Variants in GALNT13 observed in about 807,000 individuals in gnomAD.
The protein encoded by GALNT13 is polypeptide N-acetylgalactosaminyltransferase 13.
A neutral mutation model predicts 64.2 loss-of-function variants in GALNT13; 28 were observed. The observed-to-expected ratio is 0.44, with a 90% confidence interval of 0.32 to 0.60. GALNT13 has a LOEUF of 0.60. GALNT13 is among the 20% of genes least tolerant of loss of function. The pLI is 0.05. For synonymous variants in GALNT13, 214 were observed against 224.6 expected (o/e 0.95, Z 0.42); for missense variants, 577 against 669.8 (o/e 0.86, Z 1.53).
the GALNT13 span, among the ~76,000 whole-genome samples, chr2:153,102,047 T>C: frequency 6.6e-6 from 1 of 152,214 alleles, no homozygotes; most frequent in Non-Finnish European, 1.5e-5. Context: ...TTTTGTTATT[T>C]ATGGAAATAG....
chr2:153,451,169 AC>A, the GALNT13 span, among the ~76,000 whole-genome samples: 1 of 152,162 alleles, frequency 6.6e-6, no homozygotes, highest in East Asian at 1.9e-4. Context: ...CTAATTTATA[AC>A]CTCAGAAAAT....
the GALNT13 span, among the ~76,000 whole-genome samples, chr2:153,238,279 G>T: frequency 1.6e-4 from 24 of 152,020 alleles, 1 homozygote; most frequent in South Asian, 4.8e-3. Context: ...AATTCTGTGG[G>T]TGGTTCTCTT....
the GALNT13 span, among the ~76,000 whole-genome samples, chr2:153,684,533 GAA>G: frequency 6.6e-6 from 1 of 151,824 alleles, no homozygotes; most frequent in African/African-American, 2.4e-5. Flanking sequence ...CAGGTGATGT[GAA>G]ATACCAGTAG....
the GALNT13 span, among the ~76,000 whole-genome samples, chr2:153,083,880 T>G: frequency 6.6e-6 from 1 of 152,264 alleles, no homozygotes; most frequent in Admixed American, 6.5e-5. Context: ...GTCTTAGATT[T>G]AAGTATTTGA....
chr2:153,699,562 GAAAA>G, the GALNT13 span, among the ~76,000 whole-genome samples: 1 of 151,214 alleles, frequency 6.6e-6, no homozygotes, highest in Non-Finnish European at 1.5e-5. Context: ...CTAGATTTTT[GAAAA>G]AAAATTAGCA....
the GALNT13 span, among the ~76,000 whole-genome samples, chr2:153,494,335 T>G: frequency 6.6e-6 from 1 of 152,056 alleles, no homozygotes; most frequent in Non-Finnish European, 1.5e-5. Flanking sequence ...CCTAGAATAC[T>G]GCGGGCAATT....
intron 1 of GALNT13, among the ~76,000 whole-genome samples, chr2:153,882,631 C>T (rs923655069): frequency 7.7e-5 from 11 of 143,570 alleles, no homozygotes; most frequent in South Asian, 2.2e-4. Context: ...ATATTCTTTA[C>T]TTTTTTTTTT....
intron 9 of GALNT13, among the ~76,000 whole-genome samples, chr2:154,353,547 T>C (rs1696535683): frequency 6.6e-6 from 1 of 152,182 alleles, no homozygotes; most frequent in Admixed American, 6.6e-5. Flanking sequence ...TCTGCTACTT[T>C]GTATTCGTTG....
At chr2:153,240,499 T>C in the GALNT13 span, among the ~76,000 whole-genome samples, 2 of 152,134 alleles carry the variant, frequency 1.3e-5, no homozygotes, top group Non-Finnish European at 2.9e-5. Context: ...CAGAGGCCAG[T>C]TGAAGTATCC....
chr2:154,335,749 G>T (rs905789490), intron 9 of GALNT13, among the ~76,000 whole-genome samples: 1 of 151,728 alleles, frequency 6.6e-6, no homozygotes, highest in African/African-American at 2.4e-5. Context: ...TAGGATTCTC[G>T]GTTATGTAAA....
At chr2:153,077,606 G>A in the GALNT13 span, among the ~76,000 whole-genome samples, 2 of 152,102 alleles carry the variant, frequency 1.3e-5, no homozygotes, top group Non-Finnish European at 2.9e-5. Flanking sequence ...TTTTGTTGCT[G>A]TCTAATGTAA....
At chr2:153,452,980 A>T in the GALNT13 span, among the ~76,000 whole-genome samples, 1 of 152,310 alleles carries the variant, frequency 6.6e-6, no homozygotes, top group East Asian at 1.9e-4. Flanking sequence ...CACAGCTGTA[A>T]CCATCTGATC....
At chr2:153,887,094 C>T (rs951646483) in intron 1 of GALNT13, among the ~76,000 whole-genome samples, 2 of 151,876 alleles carry the variant, frequency 1.3e-5, no homozygotes, top group Non-Finnish European at 2.9e-5. Context: ...CAACCCAGGT[C>T]TCTTACTGGG....
chr2:154,128,232 T>G (rs897517082), intron 3 of GALNT13, among the ~76,000 whole-genome samples: 1 of 152,116 alleles, frequency 6.6e-6, no homozygotes, highest in Non-Finnish European at 1.5e-5. Context: ...GCATATTTCT[T>G]TGGCATACTC....
the GALNT13 span, among the ~76,000 whole-genome samples, chr2:153,086,042 G>T: frequency 2.0e-5 from 3 of 152,178 alleles, no homozygotes; most frequent in South Asian, 4.1e-4. Context: ...AATATTTAAT[G>T]ACTCCCCTAT....
the GALNT13 span, among the ~76,000 whole-genome samples, chr2:153,202,366 T>A: frequency 6.6e-6 from 1 of 152,214 alleles, no homozygotes; most frequent in Non-Finnish European, 1.5e-5. Flanking sequence ...AATATACAGG[T>A]GTGCCTTAGA....
chr2:153,746,073 A>G, the GALNT13 span, among the ~76,000 whole-genome samples: 1 of 152,198 alleles, frequency 6.6e-6, no homozygotes, highest in Non-Finnish European at 1.5e-5. Flanking sequence ...CTATGCTTCA[A>G]TGAATAAAAG....
the GALNT13 span, among the ~76,000 whole-genome samples, chr2:153,852,477 A>G: frequency 6.6e-6 from 1 of 152,214 alleles, no homozygotes; most frequent in Non-Finnish European, 1.5e-5. Flanking sequence ...TAAAATGTTT[A>G]TGTATTTAAT....
At chr2:153,481,321 T>C in the GALNT13 span, among the ~76,000 whole-genome samples, 1 of 152,220 alleles carries the variant, frequency 6.6e-6, no homozygotes, top group African/African-American at 2.4e-5. Context: ...GAAATCTTTA[T>C]GTTTTACAGA....
Sources: allele counts gnomAD v4.1 joint callset (sites outside exome capture counted in the v4.1 genomes callset), GRCh38; gene constraint gnomAD v4.1.1; transcripts MANE v1.5; gene names NCBI Gene and HGNC (gene_info 2026-07-23, HGNC 2026-07-21).